Variants in FHIT observed in about 807,000 individuals in gnomAD.
The protein encoded by FHIT is fragile histidine triad diadenosine triphosphatase, also known as bis(5'-adenosyl)-triphosphatase.
A neutral mutation model predicts 17.9 loss-of-function variants in FHIT; 19 were observed. The observed-to-expected ratio is 1.06, with a 90% CI of 0.74 to 1.56. FHIT has a LOEUF of 1.56. FHIT is among the 40% of genes most tolerant of loss of function. The probability of loss-of-function intolerance (pLI) is 0.00; values close to 1 mark genes in which losing one functional copy is unlikely to be tolerated. For missense variants in FHIT, 248 were observed against 189.2 expected, an observed-to-expected ratio of 1.31 and a Z score of -1.82; for synonymous variants, 81 against 69.7, an observed-to-expected ratio of 1.16 and a Z score of -0.81.
chr3:60,543,907 C>CTTTTTTTTTTTTTTTGTTTTTTT (rs2036271173), intron 4 of FHIT, among the ~76,000 whole-genome samples: 1 of 52,076 alleles, frequency 1.9e-5, no homozygotes, highest in Non-Finnish European at 3.0e-5. Context: ...CCACGCCCGG[C>CTTTTTTTTTTTTTTTGTTTTTTT]TTTTTTTTTT....
intron 8 of FHIT, among the ~76,000 whole-genome samples, chr3:59,760,489 T>C (rs1701454294): frequency 6.6e-6 from 1 of 151,900 alleles, no homozygotes; most frequent in Non-Finnish European, 1.5e-5. Context: ...TGGAACATGC[T>C]ATGTACCCTA....
At chr3:60,178,051 C>T (rs1002586244) in intron 5 of FHIT, among the ~76,000 whole-genome samples, 2 of 152,140 alleles carry the variant, frequency 1.3e-5, no homozygotes, top group East Asian at 1.9e-4. Context: ...TAGAATTTAA[C>T]GTTAATATGA....
At chr3:59,810,158 C>G (rs1032038432) in intron 8 of FHIT, among the ~76,000 whole-genome samples, 1 of 152,078 alleles carries the variant, frequency 6.6e-6, no homozygotes, top group African/African-American at 2.4e-5. Flanking sequence ...AAAGGCTGTA[C>G]TGGTGGTCCC....
At chr3:60,604,742 C>A (rs2038554430) in intron 4 of FHIT, among the ~76,000 whole-genome samples, 2 of 152,302 alleles carry the variant, frequency 1.3e-5, no homozygotes, top group South Asian at 2.1e-4. Flanking sequence ...AGAAAAAGAT[C>A]TCTGCTCATT....
At chr3:59,774,559 G>C (rs1702217999) in intron 8 of FHIT, among the ~76,000 whole-genome samples, 1 of 152,170 alleles carries the variant, frequency 6.6e-6, no homozygotes, top group Non-Finnish European at 1.5e-5. Flanking sequence ...TCCTTAAATA[G>C]TGCCTCATCC....
chr3:60,021,409 G>A (rs1266928387), intron 5 of FHIT, among the ~76,000 whole-genome samples: 2 of 152,182 alleles, frequency 1.3e-5, no homozygotes, highest in African/African-American at 2.4e-5. Context: ...CAGCCCGATA[G>A]CATTCTGGTA....
At chr3:60,882,384 C>T (rs1474438785) in intron 3 of FHIT, among the ~76,000 whole-genome samples, 8 of 151,896 alleles carry the variant, frequency 5.3e-5, no homozygotes, top group African/African-American at 1.9e-4. Flanking sequence ...TCTACAAGAC[C>T]ATTATTACCC....
At chr3:59,950,992 A>G (rs1340388658) in intron 7 of FHIT, among the ~76,000 whole-genome samples, 1 of 152,234 alleles carries the variant, frequency 6.6e-6, no homozygotes, top group African/African-American at 2.4e-5. Context: ...CATAGTAACA[A>G]CAATGGCAGC....
rs186667196 is a variant in FHIT, at chr3:59,834,428, C to G, written c.349-82107G>C. 2.2e-3 allele frequency among the ~76,000 whole-genome samples: 331 copies of G among 152,108 alleles called. 3 individuals carry two copies. The highest frequency in any genetic ancestry group is 7.2e-3 in the African/African-American group (297 of 41,508). On this transcript the variant is annotated intron_variant, in intron 8 of 9. Transcript: ENST00000492590. ...TAGATAGATGATAGAGAGAGAGAGA[C>G]AGAGAGACAGACAGACACTTTGGGC...
intron 5 of FHIT, among the ~76,000 whole-genome samples, chr3:60,164,116 G>C (rs1426898616): frequency 6.6e-6 from 1 of 152,136 alleles, no homozygotes; most frequent in Non-Finnish European, 1.5e-5. Context: ...AACTTAAGTA[G>C]GTAGCTAGTG....
intron 4 of FHIT, among the ~76,000 whole-genome samples, chr3:60,749,138 G>A (rs947230086): frequency 3.9e-5 from 6 of 152,146 alleles, no homozygotes; most frequent in South Asian, 2.1e-4. Flanking sequence ...ATCCAGGTAC[G>A]AGTGGTCTCT....
chr3:60,125,485 A>T (rs541999347), intron 5 of FHIT, among the ~76,000 whole-genome samples: 1 of 151,982 alleles, frequency 6.6e-6, no homozygotes, highest in Non-Finnish European at 1.5e-5. Context: ...TACAGAAATA[A>T]GCCAGGTGTG....
intron 3 of FHIT, among the ~76,000 whole-genome samples, chr3:60,917,792 C>T (rs1378186587): frequency 2.6e-5 from 4 of 152,210 alleles, no homozygotes; most frequent in Non-Finnish European, 1.5e-5. Context: ...CTCCACTCGA[C>T]ATTATATGAT....
At position 60,691,973 on chromosome 3, in the gene FHIT, T is replaced by C. The variant is rs146028380; in HGVS notation, c.-18+129946A>G. On this transcript the variant is annotated intron_variant, in intron 4 of 9. Coordinates refer to ENST00000492590, the MANE Select transcript of FHIT (RefSeq NM_002012.4). ...GATTTCTTTTTACTTTAGTTTATCA[T>C]GAAAGAGACCGTGTTTGCCAAGAAA... 8.6e-3 allele frequency among the ~76,000 whole-genome samples: 1,309 copies of C among 152,342 alleles called. 16 individuals carry two copies. Among genetic ancestry groups the C allele is most frequent in the South Asian group, 0.038 (185 of 4,824 alleles).
At chr3:60,141,846 T>G (rs1174218196) in intron 5 of FHIT, among the ~76,000 whole-genome samples, 2 of 152,202 alleles carry the variant, frequency 1.3e-5, no homozygotes, top group Non-Finnish European at 2.9e-5. Flanking sequence ...GCGCTAAACA[T>G]ATCTGTACTG....
chr3:60,512,439 C>T (rs13101027), intron 5 of FHIT, among the ~76,000 whole-genome samples: 24,391 of 152,198 alleles, frequency 0.16, 2,454 homozygotes, highest in African/African-American at 0.26. Context: ...TACTTAACTC[C>T]ATACTTTCCA....
intron 1 of FHIT, among the ~76,000 whole-genome samples, chr3:61,242,291 C>T (rs998959604): frequency 6.8e-6 from 1 of 147,596 alleles, no homozygotes; most frequent in Non-Finnish European, 1.5e-5. Flanking sequence ...AAAACAACAA[C>T]AAAAAAAAAA....
chr3:60,668,316 T>G (rs1461278713), intron 4 of FHIT, among the ~76,000 whole-genome samples: 1 of 146,630 alleles, frequency 6.8e-6, no homozygotes, highest in African/African-American at 2.5e-5. Context: ...TTAATCTCTT[T>G]GGCTGGTAGC....
chr3:60,207,699 C>T (rs1459246560), intron 5 of FHIT, among the ~76,000 whole-genome samples: 3 of 152,126 alleles, frequency 2.0e-5, no homozygotes, highest in South Asian at 2.1e-4. Context: ...CTATAGAATT[C>T]GTATGTGAGT....
Sources: gnomAD v4.1 joint callset for allele counts (sites outside exome capture counted in the v4.1 genomes callset) on GRCh38, gnomAD v4.1.1 for gene constraint, MANE v1.5 for transcripts, NCBI Gene and HGNC (gene_info 2026-07-23, HGNC 2026-07-21) for gene names.